The following SDK2 variants were observed in gnomAD, a reference collection of about 807,000 sequenced individuals.
The protein encoded by SDK2 is sidekick cell adhesion molecule 2, also known as protein sidekick-2.
A neutral mutation model predicts 253.9 loss-of-function variants in SDK2; 105 were observed. The observed-to-expected ratio is 0.41, with a 90% CI of 0.35 to 0.49. The LOEUF is 0.49. Among genes scored for constraint, SDK2 ranks in the 20% least tolerant of loss-of-function variants. SDK2 has a pLI of 0.06. For synonymous variants in SDK2, 1,249 were observed against 1,234.9 expected (o/e 1.01, Z -0.24); for missense variants, 2,608 against 3,003.0 (o/e 0.87, Z 3.07).
At chr17:73,436,361 G>A (rs1307485072) in intron 8 of SDK2, among the ~76,000 whole-genome samples, 1 of 152,062 alleles carries the variant, frequency 6.6e-6, no homozygotes, top group Non-Finnish European at 1.5e-5. Context: ...TGGATCACCT[G>A]AGCTCAGGAG....
rs1042836997 is a variant in SDK2, at chr17:73,639,013, T to C, written c.64+5012A>G. Among the ~76,000 whole-genome samples the C allele has an allele frequency of 6.6e-6, 1 of 152,140 alleles. No individual in the cohort carries two copies. The highest frequency in any genetic ancestry group is 1.5e-5 in the Non-Finnish European group (1 of 68,018). ...TTAATAGAGATGGGGTTTCCCCACG[T>C]TGGCCAGGCTGGTCTCGAACTCCTG... On this transcript the variant is annotated intron_variant, in intron 1 of 44. Transcript: ENST00000392650. The surrounding 1 kb of genome is among the most constrained non-coding windows in gnomAD (Gnocchi z 4.3).
chr17:73,354,018 G>T (rs1248429095), intron 40 of SDK2, among the ~76,000 whole-genome samples: 1 of 151,860 alleles, frequency 6.6e-6, no homozygotes, highest in Non-Finnish European at 1.5e-5. Context: ...TTTCTTTTTA[G>T]TAACAGCTGC....
chr17:73,376,514 G>A (rs2062782662), intron 36 of SDK2, among the ~76,000 whole-genome samples: 1 of 152,210 alleles, frequency 6.6e-6, no homozygotes. Context: ...GCGTGTTGAT[G>A]TCAGTACCTT....
intron 1 of SDK2, among the ~76,000 whole-genome samples, chr17:73,592,022 A>G (rs790087): frequency 0.15 from 23,158 of 152,192 alleles, 1,923 homozygotes; most frequent in East Asian, 0.32. Flanking sequence ...TCTCACCCAC[A>G]TGAGGGGGGA....
chr17:73,545,392 T>C (rs2044945872), intron 1 of SDK2, among the ~76,000 whole-genome samples: 1 of 151,942 alleles, frequency 6.6e-6, no homozygotes, highest in Admixed American at 6.5e-5. Context: ...TCAGTGAGAC[T>C]TTCTTCCTAA....
chr17:73,491,124 T>A (rs1452564723), intron 2 of SDK2, among the ~76,000 whole-genome samples: 1 of 152,220 alleles, frequency 6.6e-6, no homozygotes, highest in Non-Finnish European at 1.5e-5. Flanking sequence ...GCGTAAGGCA[T>A]AGTCGGCAAT....
rs957391700 is a variant in SDK2, at chr17:73,643,399, C to G, written c.64+626G>C. On this transcript the variant is annotated intron_variant, in intron 1 of 44. Coordinates refer to ENST00000392650, the MANE Select transcript of SDK2 (RefSeq NM_001144952.2). The surrounding 1 kb of genome is among the most constrained non-coding windows in gnomAD (Gnocchi z 6.9). ...CAGACCCTCCCTGTGCACCACCCCC[C>G]GGTGGGTCCGCGGCTGCACCCGCGA... Among the ~76,000 whole-genome samples, 56 of 152,196 alleles carry G rather than the reference C, an allele frequency of 3.7e-4. No individual in the cohort carries two copies. The highest frequency in any genetic ancestry group is 1.3e-3 in the African/African-American group (53 of 41,558).
intron 1 of SDK2, among the ~76,000 whole-genome samples, chr17:73,581,724 T>C (rs1252012895): frequency 6.6e-6 from 1 of 152,196 alleles, no homozygotes; most frequent in African/African-American, 2.4e-5. Context: ...AGGCAGCCCC[T>C]CTTCTGCAGC....
intron 2 of SDK2, among the ~76,000 whole-genome samples, chr17:73,483,527 ATATATGTATG>A (rs1211359974): frequency 1.0e-4 from 14 of 140,202 alleles, no homozygotes; most frequent in Admixed American, 2.2e-4. Context: ...GTGTGTATAT[ATATATGTATG>A]TATATATGTA....
intron 36 of SDK2, among the ~76,000 whole-genome samples, chr17:73,372,607 G>C (rs900807710): frequency 4.9e-4 from 74 of 152,210 alleles, no homozygotes; most frequent in Non-Finnish European, 7.9e-4. Context: ...CGGGCATGGT[G>C]GTGGGTGCCT....
In SDK2 at chr17:73,400,660, A is replaced by AT. The variant is rs548822077; in HGVS notation, c.2971+359dup. Among the ~76,000 whole-genome samples, 473 of 143,836 alleles carry AT rather than the reference A, an allele frequency of 3.3e-3. 15 individuals carry two copies. In the East Asian group the frequency reaches 0.055, roughly 17 times the overall value. 94.4% of individuals were successfully genotyped at this position (143,836 alleles called of 152,430 possible). On this transcript the variant is annotated intron_variant, in intron 21 of 44. Coordinates refer to ENST00000392650, the MANE Select transcript of SDK2 (RefSeq NM_001144952.2). ...CCTGAAAGACAAGGGGCCTCTTTTT[A>AT]TTTTTTTTTTTGAGACGCGATGTGG... is the stretch of plus-strand genomic sequence containing the variant.
At chr17:73,542,198 C>T (rs1299624637) in intron 1 of SDK2, among the ~76,000 whole-genome samples, 2 of 152,238 alleles carry the variant, frequency 1.3e-5, no homozygotes, top group Non-Finnish European at 2.9e-5. Context: ...CTGTCTGACC[C>T]TCCACGCTTC....
chr17:73,462,884 C>T (rs1303174646), intron 3 of SDK2, among the ~76,000 whole-genome samples: 1 of 152,128 alleles, frequency 6.6e-6, no homozygotes, highest in Non-Finnish European at 1.5e-5. Context: ...TGGATCTGCC[C>T]AGGGAGTTCC....
Position 73,365,402 on chromosome 17 carries a change from G to C in SDK2, c.5168-7C>G, listed in dbSNP as rs1210654678. ...GAGCTGGGAGCGCTGGGGGCTGCGGGAGACAGCAAAGGGTTTTTGTTTCCT... is the reference window on the plus strand; with the variant it reads ...GAGCTGGGAGCGCTGGGGGCTGCGGCAGACAGCAAAGGGTTTTTGTTTCCT... On this transcript the variant is annotated splice_region_variant and splice_polypyrimidine_tract_variant and intron_variant, in intron 37 of 44. Coordinates refer to ENST00000392650, the MANE Select transcript of SDK2 (RefSeq NM_001144952.2). The C allele has an allele frequency of 1.9e-6, 3 of 1,600,544 alleles. No homozygotes were observed. The highest frequency in any genetic ancestry group is 1.3e-5 in the African/African-American group (1 of 74,300).
At chr17:73,419,730 C>A (rs1340403003) in intron 15 of SDK2, among the ~76,000 whole-genome samples, 4,311 of 25,476 alleles carry the variant, frequency 0.17, 635 homozygotes, top group Non-Finnish European at 0.28. Flanking sequence ...AAAAAAAACC[C>A]AAAAAAACTC....
chr17:73,359,921 C>T (rs1313686625), intron 39 of SDK2, among the ~76,000 whole-genome samples: 2 of 152,190 alleles, frequency 1.3e-5, no homozygotes, highest in Admixed American at 6.5e-5. Context: ...GGATTACAGG[C>T]GTGAACCCCC....
At chr17:73,498,077 C>G (rs953812951) in intron 2 of SDK2, among the ~76,000 whole-genome samples, 8 of 152,222 alleles carry the variant, frequency 5.3e-5, no homozygotes, top group African/African-American at 1.9e-4. Context: ...TCCACCCACA[C>G]TTGCACTATT....
intron 1 of SDK2, among the ~76,000 whole-genome samples, chr17:73,536,704 C>T (rs1011323755): frequency 6.6e-6 from 1 of 152,230 alleles, no homozygotes; most frequent in Non-Finnish European, 1.5e-5. Flanking sequence ...GCAAGCAATG[C>T]ACAACTAGTT....
At chr17:73,346,584 G>A (rs1369895601) in intron 44 of SDK2, among the ~76,000 whole-genome samples, 1 of 152,142 alleles carries the variant, frequency 6.6e-6, no homozygotes, top group Non-Finnish European at 1.5e-5. Flanking sequence ...GGGAGAGCCA[G>A]CCCCTCTCTC....
Sources: gnomAD v4.1 joint callset for allele counts (sites outside exome capture counted in the v4.1 genomes callset) on GRCh38, gnomAD v4.1.1 for gene constraint, Gnocchi (gnomAD v3.1) non-coding constraint, MANE v1.5 for transcripts, NCBI Gene and HGNC (gene_info 2026-07-23, HGNC 2026-07-21) for gene names.